The following TBC1D5 variants were observed in gnomAD, a reference collection of about 807,000 sequenced individuals.
The protein encoded by TBC1D5 is TBC1 domain family, member 5.
Under a neutral mutation model 100.3 loss-of-function variants are expected in TBC1D5, and 75 were observed. That is an observed-to-expected ratio of 0.75 (90% confidence interval 0.62 to 0.91). The LOEUF (loss-of-function observed/expected upper bound fraction) is 0.91, where lower values mean the gene tolerates loss of function less well. Among genes scored for constraint, TBC1D5 ranks in the 40% least tolerant of loss-of-function variants. TBC1D5 has a pLI of 0.00. For synonymous variants in TBC1D5, 323 were observed against 325.6 expected, an observed-to-expected ratio of 0.99 and a Z score of 0.09; for missense variants, 910 against 942.4, an observed-to-expected ratio of 0.97 and a Z score of 0.45.
chr3:17,370,246 A>C (rs1353591389), intron 13 of TBC1D5, among the ~76,000 whole-genome samples: 1 of 152,208 alleles, frequency 6.6e-6, no homozygotes, highest in Non-Finnish European at 1.5e-5. Context: ...AAAAATTATA[A>C]AGCATTTCAA....
chr3:17,424,179 A>T (rs1165945832), intron 4 of TBC1D5, among the ~76,000 whole-genome samples: 2 of 152,202 alleles, frequency 1.3e-5, no homozygotes, highest in East Asian at 3.8e-4. Flanking sequence ...GTTCGCCTTC[A>T]ATTTATTTCA....
intron 2 of TBC1D5, among the ~76,000 whole-genome samples, chr3:17,532,778 T>C (rs1238865653): frequency 4.2e-5 from 6 of 142,886 alleles, no homozygotes; most frequent in South Asian, 4.3e-4. Context: ...TAGGTGGGAA[T>C]TGAACAATGA....
At chr3:17,473,889 C>CT (rs60817133) in intron 3 of TBC1D5, among the ~76,000 whole-genome samples, 13,384 of 144,538 alleles carry the variant, frequency 0.093, 1,186 homozygotes, top group African/African-American at 0.24. Flanking sequence ...TTTTACTTTA[C>CT]TTTTTTTTTT....
intron 10 of TBC1D5, among the ~76,000 whole-genome samples, chr3:17,375,565 T>TA (rs200229140): frequency 0.092 from 13,117 of 142,988 alleles, 1,287 homozygotes; most frequent in African/African-American, 0.26. Context: ...ACATAAAATT[T>TA]AAAAAAAAAA....
chr3:17,277,699 G>C (rs2080169178), intron 15 of TBC1D5, among the ~76,000 whole-genome samples: 2 of 152,166 alleles, frequency 1.3e-5, no homozygotes, highest in Admixed American at 1.3e-4. Context: ...TCAGAACTGG[G>C]AAGAAATAGT....
chr3:17,705,977 T>A, intron 1 of TBC1D5: 1 of 1,425,890 alleles, frequency 7.0e-7, no homozygotes, highest in South Asian at 1.4e-5. Context: ...TCAGCATTTC[T>A]TTACTCTTTT....
intron 15 of TBC1D5, among the ~76,000 whole-genome samples, chr3:17,278,006 CATCTAGAAAAAGTGT>C (rs2080199615): frequency 6.6e-6 from 1 of 152,132 alleles, no homozygotes; most frequent in Non-Finnish European, 1.5e-5. Context: ...ACATCAGAAC[CATCTAGAAAAAGTGT>C]ACAATGAGCC....
intron 17 of TBC1D5, among the ~76,000 whole-genome samples, chr3:17,237,002 A>G (rs997391044): frequency 2.0e-5 from 3 of 152,212 alleles, no homozygotes; most frequent in African/African-American, 7.2e-5. Flanking sequence ...ATTTAACTTA[A>G]GTTTACCGAT....
At chr3:17,195,731 T>C (rs978224298) in intron 18 of TBC1D5, among the ~76,000 whole-genome samples, 12 of 149,078 alleles carry the variant, frequency 8.0e-5, no homozygotes, top group African/African-American at 3.0e-4. Flanking sequence ...AAGTAAGTTT[T>C]GGAACAGCCT....
chr3:17,360,917 A>G (rs2091642968), intron 13 of TBC1D5, among the ~76,000 whole-genome samples: 1 of 152,050 alleles, frequency 6.6e-6, no homozygotes, highest in Non-Finnish European at 1.5e-5. Context: ...ACTAGGTTCC[A>G]AAACACCAGT....
chr3:17,291,904 T>G (rs2081786801), exon 15 of TBC1D5: 2 of 1,612,858 alleles, frequency 1.2e-6, no homozygotes, highest in Admixed American at 1.7e-5. Flanking sequence ...CCTTTGGATC[T>G]CTAAGGAACA....
chr3:17,330,413 T>G (rs2086723450), intron 13 of TBC1D5, among the ~76,000 whole-genome samples: 1 of 151,940 alleles, frequency 6.6e-6, no homozygotes, highest in Admixed American at 6.6e-5. Flanking sequence ...CTCAATCATC[T>G]CTCTCAAAGC....
At position 17,697,006 on chromosome 3, in the gene TBC1D5, CAT is replaced by C. The variant is rs1400332050; in HGVS notation, c.-101+42335_-101+42336del. Among the ~76,000 whole-genome samples, 7 of 152,186 alleles carry C rather than the reference CAT, an allele frequency of 4.6e-5. No homozygotes were observed. In the East Asian group the frequency reaches 5.8e-4, roughly 13 times the overall value. ...TAAACAGAACCAATGATAAAAACCA[CAT>C]GATTATCTTAATAGATGCAGAAAAG... On this transcript the variant is annotated intron_variant, in intron 1 of 21. Transcript: ENST00000253692.
chr3:17,586,083 C>A (rs1257216099), intron 2 of TBC1D5, among the ~76,000 whole-genome samples: 3 of 152,040 alleles, frequency 2.0e-5, no homozygotes, highest in Non-Finnish European at 4.4e-5. Context: ...GAAGACTCAG[C>A]TAACTGTGAA....
At chr3:17,532,564 T>C (rs2096241159) in intron 2 of TBC1D5, among the ~76,000 whole-genome samples, 1 of 152,150 alleles carries the variant, frequency 6.6e-6, no homozygotes, top group Non-Finnish European at 1.5e-5. Flanking sequence ...CTATTCACAA[T>C]AGCAAAGTCT....
At chr3:17,389,022 ATT>A (rs571507885) in intron 8 of TBC1D5, among the ~76,000 whole-genome samples, 2 of 152,166 alleles carry the variant, frequency 1.3e-5, no homozygotes, top group Non-Finnish European at 2.9e-5. Context: ...ACCAAGAAAT[ATT>A]TGTCAGTACA....
At chr3:17,589,908 G>A (rs532057325) in intron 2 of TBC1D5, among the ~76,000 whole-genome samples, 1 of 152,238 alleles carries the variant, frequency 6.6e-6, no homozygotes. Flanking sequence ...TTTAAAATAT[G>A]GGGAGAAGGA....
At chr3:17,219,504 T>C (rs994322698) in intron 17 of TBC1D5, among the ~76,000 whole-genome samples, 2 of 151,652 alleles carry the variant, frequency 1.3e-5, no homozygotes, top group East Asian at 1.9e-4. Context: ...TCATACCTTA[T>C]ACTTTTATTG....
chr3:17,393,268 G>T (rs1043879804), intron 8 of TBC1D5, among the ~76,000 whole-genome samples: 2 of 151,978 alleles, frequency 1.3e-5, no homozygotes, highest in African/African-American at 4.8e-5. Context: ...ACTTACAAGG[G>T]ATGTGAAGGA....
Sources: gnomAD v4.1 joint callset for allele counts (sites outside exome capture counted in the v4.1 genomes callset) on GRCh38, gnomAD v4.1.1 for gene constraint, MANE v1.5 for transcripts, NCBI Gene and HGNC (gene_info 2026-07-23, HGNC 2026-07-21) for gene names.